The following THSD7A variants were observed in gnomAD, a reference collection of about 807,000 sequenced individuals.
THSD7A encodes the protein thrombospondin type-1 domain-containing protein 7A.
A neutral mutation model predicts 231.3 loss-of-function variants in THSD7A; 96 were observed. The observed-to-expected ratio is 0.41, with a 90% CI of 0.35 to 0.49. THSD7A has a LOEUF of 0.49. THSD7A is among the 20% of genes least tolerant of loss of function. The pLI is 0.05. For missense variants in THSD7A, 2,290 were observed against 2,070.2 expected (o/e 1.11, Z -2.06); for synonymous variants, 940 against 743.3 (o/e 1.26, Z -4.30).
intron 9 of THSD7A, 64 bp from the exon 10 acceptor site, chr7:11,462,207 T>G: frequency 6.4e-7 from 1 of 1,561,672 alleles, no homozygotes; most frequent in Non-Finnish European, 8.7e-7. Flanking sequence ...TAAATACCAG[T>G]CTGTGTGAAG....
intron 4 of THSD7A, among the ~76,000 whole-genome samples, chr7:11,547,437 G>T (rs1789447678): frequency 6.6e-6 from 1 of 152,140 alleles, no homozygotes; most frequent in African/African-American, 2.4e-5. Context: ...TAGGCTCAAA[G>T]TAAAAGGATG....
intron 1 of THSD7A, among the ~76,000 whole-genome samples, chr7:11,660,146 T>C (rs541378805): frequency 1.3e-5 from 2 of 151,688 alleles, no homozygotes; most frequent in South Asian, 4.1e-4. Flanking sequence ...CAATTTCTCC[T>C]AGAAAAATTT....
At chr7:11,626,161 T>C (rs977475797) in intron 2 of THSD7A, among the ~76,000 whole-genome samples, 7 of 152,168 alleles carry the variant, frequency 4.6e-5, no homozygotes, top group Middle Eastern at 6.3e-3. Context: ...ACCCTCTTTT[T>C]ATTTAATTTT....
At chr7:11,645,805 G>C (rs1241099275) in intron 1 of THSD7A, among the ~76,000 whole-genome samples, 1 of 151,648 alleles carries the variant, frequency 6.6e-6, no homozygotes, top group Non-Finnish European at 1.5e-5. Flanking sequence ...AAATAAACAA[G>C]ATTAATTTTG....
At chr7:11,429,833 GAA>G (rs1402832161) in intron 13 of THSD7A, among the ~76,000 whole-genome samples, 1 of 152,300 alleles carries the variant, frequency 6.6e-6, no homozygotes, top group African/African-American at 2.4e-5. Context: ...AAGAGACAGG[GAA>G]AAGTTTTCTG....
chr7:11,698,822 A>G (rs911548420), intron 1 of THSD7A, among the ~76,000 whole-genome samples: 93 of 151,400 alleles, frequency 6.1e-4, no homozygotes, highest in African/African-American at 2.2e-3. Context: ...ATAGAAACTA[A>G]CAGTTCTCAT....
intron 2 of THSD7A, among the ~76,000 whole-genome samples, chr7:11,598,467 A>G (rs1780443607): frequency 6.6e-6 from 1 of 152,202 alleles, no homozygotes; most frequent in Non-Finnish European, 1.5e-5. Context: ...AAGGGGCCAT[A>G]GTGGCACAGA....
intron 1 of THSD7A, among the ~76,000 whole-genome samples, chr7:11,812,905 C>T (rs181251914): frequency 2.6e-3 from 399 of 152,178 alleles, no homozygotes; most frequent in Non-Finnish European, 4.8e-3. Flanking sequence ...TGAGTTTATT[C>T]TTTCATGAAA....
intron 1 of THSD7A, among the ~76,000 whole-genome samples, chr7:11,712,992 C>A (rs1021829566): frequency 2.0e-5 from 3 of 150,938 alleles, no homozygotes; most frequent in Non-Finnish European, 3.0e-5. Flanking sequence ...TCCATGGTAC[C>A]ACATCTCTAC....
Position 11,466,636 on chromosome 7 carries a change from C to T in THSD7A, c.2368+3243G>A, listed in dbSNP as rs75063259. Among the ~76,000 whole-genome samples, 2,703 of 152,092 alleles carry T rather than the reference C, an allele frequency of 0.018. 167 individuals carry two copies. In the East Asian group the frequency reaches 0.21, roughly 12 times the overall value. ...TTAGGGTTTCTGAAAACCTTTTGTTCTAGGAGAAACAACATGAGCTGCCAA... is the reference window on the plus strand; with the variant it reads ...TTAGGGTTTCTGAAAACCTTTTGTTTTAGGAGAAACAACATGAGCTGCCAA... On this transcript the variant is annotated intron_variant, in intron 9 of 27. Transcript: ENST00000423059.
intron 9 of THSD7A, among the ~76,000 whole-genome samples, chr7:11,462,928 G>C (rs1482785183): frequency 2.6e-5 from 4 of 152,052 alleles, no homozygotes; most frequent in African/African-American, 9.7e-5. Flanking sequence ...TATAAAACTT[G>C]CCAACTTTAA....
intron 2 of THSD7A, among the ~76,000 whole-genome samples, chr7:11,621,879 T>C (rs1781321460): frequency 6.6e-6 from 1 of 152,160 alleles, no homozygotes; most frequent in African/African-American, 2.4e-5. Flanking sequence ...TTGTATCAGA[T>C]TTGTTGAATG....
intron 8 of THSD7A, among the ~76,000 whole-genome samples, chr7:11,472,544 G>A (rs1785979226): frequency 6.6e-6 from 1 of 152,118 alleles, no homozygotes; most frequent in Admixed American, 6.6e-5. Flanking sequence ...ACATCCATTT[G>A]ATTTAACAAG....
chr7:11,520,004 C>G (rs148472698), intron 6 of THSD7A: 37 of 152,320 alleles, frequency 2.4e-4, no homozygotes, highest in African/African-American at 8.9e-4. Context: ...CAACTTGTGT[C>G]TTTCCTTTCC....
chr7:11,730,194 T>C (rs1023629960), intron 1 of THSD7A, among the ~76,000 whole-genome samples: 1 of 151,704 alleles, frequency 6.6e-6, no homozygotes, highest in African/African-American at 2.4e-5. Context: ...CTTTGAAATA[T>C]TGTATTACAA....
At chr7:11,681,248 G>A (rs1201700786) in intron 1 of THSD7A, among the ~76,000 whole-genome samples, 1 of 152,180 alleles carries the variant, frequency 6.6e-6, no homozygotes, top group Middle Eastern at 3.4e-3. Flanking sequence ...AATACCTAAT[G>A]TAGCTGATGG....
intron 19 of THSD7A, among the ~76,000 whole-genome samples, chr7:11,408,202 A>C (rs137976338): frequency 6.6e-6 from 1 of 152,282 alleles, no homozygotes; most frequent in African/African-American, 2.4e-5. Flanking sequence ...TATGGTACAA[A>C]GTAGTATTGA....
At chr7:11,587,476 T>C (rs1221090621) in intron 4 of THSD7A, among the ~76,000 whole-genome samples, 3 of 152,156 alleles carry the variant, frequency 2.0e-5, no homozygotes, top group Admixed American at 6.6e-5. Flanking sequence ...TAATAAAATA[T>C]AGACACTCTC....
At chr7:11,828,480 T>C (rs1299679818) in intron 1 of THSD7A, among the ~76,000 whole-genome samples, 1 of 152,236 alleles carries the variant, frequency 6.6e-6, no homozygotes, top group Non-Finnish European at 1.5e-5. Context: ...ATAACTTCTT[T>C]GTTCTTATAA....
Sources: allele counts gnomAD v4.1 joint callset (sites outside exome capture counted in the v4.1 genomes callset), GRCh38; gene constraint gnomAD v4.1.1; transcripts MANE v1.5; gene names NCBI Gene and HGNC (gene_info 2026-07-23, HGNC 2026-07-21).